Variants in AGBL1 observed in about 807,000 individuals in gnomAD.
The protein encoded by AGBL1 is cytosolic carboxypeptidase 4.
Under a neutral mutation model 118.9 loss-of-function variants are expected in AGBL1, and 130 were observed. The observed-to-expected ratio is 1.09, with a 90% confidence interval of 0.95 to 1.26. The LOEUF is 1.26. Among genes scored for constraint, AGBL1 ranks in the 50% most tolerant of loss-of-function variants. The pLI is 0.00. For missense variants in AGBL1, 1,584 were observed against 1,298.1 expected, an observed-to-expected ratio of 1.22 and a Z score of -3.38; for synonymous variants, 555 against 478.9, an observed-to-expected ratio of 1.16 and a Z score of -2.08.
At chr15:86,725,063 G>A (rs987674015) in intron 22 of AGBL1, among the ~76,000 whole-genome samples, 24 of 152,226 alleles carry the variant, frequency 1.6e-4, no homozygotes, top group African/African-American at 5.8e-4. Flanking sequence ...AGCAGCCACT[G>A]TTTGTGAGGG....
Position 86,169,748 on chromosome 15 carries a change from T to C in AGBL1, c.488+10722T>C, listed in dbSNP as rs374688215. Among the ~76,000 whole-genome samples, 8 of 152,310 alleles carry C rather than the reference T, an allele frequency of 5.3e-5. No homozygotes were observed. The South Asian group carries it at 1.5e-3, about 28-fold the overall frequency. Reference sequence around the variant, plus strand: ...ATGCAATTTTTAAAAATATATTTAATCCACAGTTGGTTGAATCCATGTGTG... The same window carrying C: ...ATGCAATTTTTAAAAATATATTTAACCCACAGTTGGTTGAATCCATGTGTG... On this transcript the variant is annotated intron_variant, in intron 5 of 22. Coordinates refer to ENST00000614907, the MANE Select transcript of AGBL1 (RefSeq NM_001386094.1).
At chr15:86,704,084 C>T (rs1416291245) in intron 22 of AGBL1, among the ~76,000 whole-genome samples, 2 of 152,094 alleles carry the variant, frequency 1.3e-5, no homozygotes, top group African/African-American at 4.8e-5. Context: ...ACTGGCTAGC[C>T]ATATGCAGAA....
intron 22 of AGBL1, among the ~76,000 whole-genome samples, chr15:86,733,049 T>A (rs1374755478): frequency 1.3e-5 from 2 of 148,486 alleles, no homozygotes; most frequent in African/African-American, 2.5e-5. Context: ...ATATCCCGTA[T>A]ATATCCTATA....
chr15:86,805,603 T>C (rs1050029004), intron 22 of AGBL1, among the ~76,000 whole-genome samples: 4 of 152,194 alleles, frequency 2.6e-5, no homozygotes, highest in African/African-American at 7.2e-5. Flanking sequence ...TTTTTAGCTA[T>C]TCTGAAGATG....
intron 22 of AGBL1, among the ~76,000 whole-genome samples, chr15:86,827,464 T>C (rs78256049): frequency 9.4e-5 from 1 of 10,686 alleles, no homozygotes; most frequent in African/African-American, 8.3e-4. Context: ...TATATATATA[T>C]ATATACATAT....
intron 17 of AGBL1, among the ~76,000 whole-genome samples, chr15:86,317,748 C>A (rs184976916): frequency 6.6e-6 from 1 of 152,302 alleles, no homozygotes; most frequent in South Asian, 2.1e-4. Context: ...CTACTGAGCT[C>A]TGACTTTGTC....
At chr15:86,322,683 A>G (rs2080121750) in intron 17 of AGBL1, among the ~76,000 whole-genome samples, 1 of 152,166 alleles carries the variant, frequency 6.6e-6, no homozygotes, top group African/African-American at 2.4e-5. Context: ...TATATTCCTG[A>G]GAGAATTTCT....
intron 23 of AGBL1, among the ~76,000 whole-genome samples, chr15:86,936,118 G>T (rs969306869): frequency 1.3e-5 from 2 of 152,190 alleles, no homozygotes; most frequent in African/African-American, 2.4e-5. Flanking sequence ...AGGCCCTGGG[G>T]TTCTGCAGTG....
At chr15:86,262,613 A>C (rs930443063) in intron 9 of AGBL1, 165 bp from the exon 10 acceptor site, 2 of 686,022 alleles carry the variant, frequency 2.9e-6, no homozygotes, top group Non-Finnish European at 5.3e-6. Flanking sequence ...TATTTTAAAA[A>C]TACAATCCAG....
intron 5 of AGBL1, among the ~76,000 whole-genome samples, chr15:86,186,473 A>T (rs1275953715): frequency 6.6e-6 from 1 of 152,236 alleles, no homozygotes; most frequent in African/African-American, 2.4e-5. Flanking sequence ...AATCAATGTC[A>T]GTGTAAAGAT....
chr15:86,674,352 C>T lies in AGBL1; in HGVS notation c.3074C>T (p.Ser1025Phe), dbSNP rs2085799221. 6.2e-7 allele frequency: 1 copy of T among 1,612,684 alleles called. No homozygotes were observed. The highest frequency in any genetic ancestry group is 8.5e-7 in the Non-Finnish European group (1 of 1,179,392). ...CLGLLILELK[S>F]ASCSHQLLAQ... ...GGCCTCCTCATCCTGGAGCTCAAAT[C>T]TGCCAGCTGCAGCCATCAGCTCCTG... The change falls in exon 22 of 23, where the codon TCT (serine) becomes TTT (phenylalanine). Residue 1025 changes from serine to phenylalanine, a missense_variant. Physicochemically the swap from Ser to Phe is radical, Grantham distance 155 (BLOSUM62 -2). Transcript: ENST00000614907.
chr15:86,305,320 C>T (rs1483956927), intron 17 of AGBL1, among the ~76,000 whole-genome samples: 1 of 152,024 alleles, frequency 6.6e-6, no homozygotes, highest in Non-Finnish European at 1.5e-5. Flanking sequence ...TAAAACCATG[C>T]TGAAGGAAAG....
At chr15:86,930,273 TA>T (rs2080589862) in intron 23 of AGBL1, among the ~76,000 whole-genome samples, 1 of 151,968 alleles carries the variant, frequency 6.6e-6, no homozygotes, top group African/African-American at 2.4e-5. Flanking sequence ...AGAGTGAAAA[TA>T]AAAATCCTGT....
intron 21 of AGBL1, among the ~76,000 whole-genome samples, chr15:86,652,837 C>T (rs2085397552): frequency 6.6e-6 from 1 of 152,104 alleles, no homozygotes; most frequent in African/African-American, 2.4e-5. Flanking sequence ...CTTTTCACTT[C>T]CCCTGCCAGA....
chr15:86,214,418 T>C (rs2078151577), intron 5 of AGBL1, among the ~76,000 whole-genome samples: 1 of 152,242 alleles, frequency 6.6e-6, no homozygotes, highest in Non-Finnish European at 1.5e-5. Flanking sequence ...ATATGCTTAA[T>C]TATATTATTT....
chr15:86,686,167 A>G (rs1016242555), intron 22 of AGBL1, among the ~76,000 whole-genome samples: 4 of 152,202 alleles, frequency 2.6e-5, no homozygotes, highest in African/African-American at 9.6e-5. Context: ...TTAGGTCTAC[A>G]TGATATTGGC....
chr15:86,314,475 T>C (rs1045292909), intron 17 of AGBL1, among the ~76,000 whole-genome samples: 1 of 152,160 alleles, frequency 6.6e-6, no homozygotes, highest in Admixed American at 6.5e-5. Flanking sequence ...TTGCTTGATA[T>C]CCAAAAGAAG....
At chr15:86,977,346 T>A (rs1044965067) in intron 23 of AGBL1, among the ~76,000 whole-genome samples, 7 of 151,720 alleles carry the variant, frequency 4.6e-5, no homozygotes, top group African/African-American at 1.7e-4. Flanking sequence ...TATAATAAAT[T>A]GTAATGTGTG....
intron 22 of AGBL1, among the ~76,000 whole-genome samples, chr15:86,675,498 A>G (rs1017874101): frequency 1.1e-4 from 17 of 152,262 alleles, no homozygotes; most frequent in Non-Finnish European, 2.9e-5. Context: ...GCTATAGATC[A>G]TAGACTATAG....
Sources: gnomAD v4.1 joint callset for allele counts (sites outside exome capture counted in the v4.1 genomes callset) on GRCh38, gnomAD v4.1.1 for gene constraint, MANE v1.5 for transcripts, NCBI Gene and HGNC (gene_info 2026-07-23, HGNC 2026-07-21) for gene names.